PCDHA9: variants seen among roughly 807,000 people sequenced by gnomAD.
PCDHA9 encodes protocadherin alpha-9.
In PCDHA9, 62 loss-of-function variants were observed where a neutral mutation model predicts 62.0. The observed-to-expected ratio is 1.00, with a 90% confidence interval of 0.81 to 1.23. The LOEUF (loss-of-function observed/expected upper bound fraction) is 1.23, where lower values mean the gene tolerates loss of function less well. Ranked by LOEUF, PCDHA9 falls within the 50% of genes most tolerant of loss-of-function variation. The pLI is 0.00. For missense variants in PCDHA9, 1,205 were observed against 1,249.8 expected (o/e 0.96, Z 0.54); for synonymous variants, 557 against 567.6 (o/e 0.98, Z 0.27).
At chr5:140,865,724 G>T (rs1334768794) in intron 1 of PCDHA9, 1 of 152,164 alleles carries the variant, frequency 6.6e-6, no homozygotes, top group African/African-American at 2.4e-5. Flanking sequence ...GAGAAGCTGA[G>T]ATGTGTATCT....
In PCDHA9 at chr5:140,967,564, A is replaced by G. The variant is rs1554229677; in HGVS notation, c.2395-11385A>G. Reference sequence around the variant, plus strand: ...ACCAGTCCACTTATCGCGTCCAGCTACGGGAGGACTCACCCCCAGGCACAT... The same window carrying G: ...ACCAGTCCACTTATCGCGTCCAGCTGCGGGAGGACTCACCCCCAGGCACAT... On this transcript the variant is annotated intron_variant, in intron 1 of 3. Coordinates refer to ENST00000532602, the MANE Select transcript of PCDHA9 (RefSeq NM_031857.2). 10 of 1,614,070 alleles carry G rather than the reference A, an allele frequency of 6.2e-6. No individual in the cohort carries two copies. The Middle Eastern group carries it at 4.9e-4, about 80-fold the overall frequency.
chr5:140,858,188 C>T, intron 1 of PCDHA9: 1 of 1,597,268 alleles, frequency 6.3e-7, no homozygotes, highest in Non-Finnish European at 8.6e-7. Context: ...GCTCACGCTG[C>T]TGCTGTACAC....
intron 1 of PCDHA9, chr5:140,867,873 G>A (rs1554161583): frequency 6.6e-6 from 1 of 152,056 alleles, no homozygotes; most frequent in East Asian, 1.9e-4. Flanking sequence ...AATTTTCTAT[G>A]TTTTAAGCAC....
intron 1 of PCDHA9, chr5:140,883,678 G>A (rs555791080): frequency 3.7e-6 from 6 of 1,613,902 alleles, no homozygotes; most frequent in South Asian, 3.3e-5. Flanking sequence ...ACAATCCGCC[G>A]GGCTGCCACA....
chr5:140,876,312 G>C (rs557901977), intron 1 of PCDHA9: 1 of 1,614,036 alleles, frequency 6.2e-7, no homozygotes. Context: ...TTTCCTATGG[G>C]ATCAAAATGA....
At chr5:140,917,690 G>C (rs2078307385) in intron 1 of PCDHA9, among the ~76,000 whole-genome samples, 1 of 152,108 alleles carries the variant, frequency 6.6e-6, no homozygotes, top group African/African-American at 2.4e-5. Context: ...TTTTGTTGAA[G>C]ATCAGATAAT....
intron 1 of PCDHA9, among the ~76,000 whole-genome samples, chr5:140,890,189 G>C (rs1262049301): frequency 1.3e-5 from 2 of 152,102 alleles, no homozygotes; most frequent in Non-Finnish European, 2.9e-5. Context: ...CTACAAAACA[G>C]AGTTTTTTGT....
intron 3 of PCDHA9, among the ~76,000 whole-genome samples, 189 bp from the exon 4 acceptor site, chr5:141,009,438 T>C (rs1024999058): frequency 6.6e-6 from 1 of 152,190 alleles, no homozygotes; most frequent in African/African-American, 2.4e-5. Context: ...AGGGAAATCC[T>C]GTCTCAAAAA....
chr5:140,991,253 C>T (rs912017745), intron 3 of PCDHA9, among the ~76,000 whole-genome samples: 1 of 152,178 alleles, frequency 6.6e-6, no homozygotes, highest in East Asian at 1.9e-4. Context: ...AGTATTTGAA[C>T]TCATGTCTGC....
Position 140,871,296 on chromosome 5 carries a change from C to A in PCDHA9, c.2394+20407C>A. ...CGGCAACGCCCACTGAGGGCGCGTG[C>A]GCGCCGGGGAAGCCCACGCTGGTGT... On this transcript the variant is annotated intron_variant, in intron 1 of 3. Coordinates refer to ENST00000532602, the MANE Select transcript of PCDHA9 (RefSeq NM_031857.2). 7 of 1,613,892 alleles carry A rather than the reference C, an allele frequency of 4.3e-6. No homozygotes were observed. The South Asian group carries it at 4.4e-5, about 10-fold the overall frequency.
At chr5:140,853,308 C>T in intron 1 of PCDHA9, 1 of 983,184 alleles carries the variant, frequency 1.0e-6, no homozygotes, top group Non-Finnish European at 1.2e-6. Context: ...CTGTGAACAC[C>T]TTAGTAATAA....
At chr5:140,906,924 T>G (rs1244538728) in intron 1 of PCDHA9, among the ~76,000 whole-genome samples, 1 of 152,226 alleles carries the variant, frequency 6.6e-6, no homozygotes, top group African/African-American at 2.4e-5. Flanking sequence ...GCCCAAAAAG[T>G]GTCCCGGTGT....
chr5:140,891,589 C>T (rs1459113596), intron 1 of PCDHA9, among the ~76,000 whole-genome samples: 1 of 152,166 alleles, frequency 6.6e-6, no homozygotes, highest in East Asian at 1.9e-4. Context: ...TCTTATTACT[C>T]TATCCCATCT....
intron 1 of PCDHA9, among the ~76,000 whole-genome samples, chr5:140,890,477 C>G (rs1255992157): frequency 6.6e-6 from 1 of 151,926 alleles, no homozygotes; most frequent in African/African-American, 2.4e-5. Context: ...ATTTTTTGTG[C>G]GTTATTTTTG....
chr5:140,971,067 G>A (rs1270982335), intron 1 of PCDHA9, among the ~76,000 whole-genome samples: 1 of 152,204 alleles, frequency 6.6e-6, no homozygotes, highest in Non-Finnish European at 1.5e-5. Flanking sequence ...TAAGGTTGCT[G>A]TAGACATTTG....
intron 3 of PCDHA9, 34 bp from the exon 4 acceptor site, chr5:141,009,593 C>T (rs1219056557): frequency 6.2e-7 from 1 of 1,601,902 alleles, no homozygotes; most frequent in Non-Finnish European, 8.5e-7. Context: ...CATGTGTTGA[C>T]CCTGTTAATG....
intron 1 of PCDHA9, chr5:140,966,931 C>T: frequency 6.2e-7 from 1 of 1,603,674 alleles, no homozygotes; most frequent in Non-Finnish European, 8.5e-7. Flanking sequence ...AGGCACCCGG[C>T]GCGCTCGTGG....
chr5:140,875,792 A>G, intron 1 of PCDHA9: 1 of 1,614,116 alleles, frequency 6.2e-7, no homozygotes, highest in East Asian at 2.2e-5. Context: ...ATCCACCTGG[A>G]GGTGATCGTG....
intron 1 of PCDHA9, among the ~76,000 whole-genome samples, chr5:140,972,168 G>T (rs969968770): frequency 2.6e-5 from 4 of 152,064 alleles, no homozygotes; most frequent in African/African-American, 9.7e-5. Context: ...TTGAGACAGA[G>T]TCTTGGCCTG....
Sources: allele counts gnomAD v4.1 joint callset (sites outside exome capture counted in the v4.1 genomes callset), GRCh38; gene constraint gnomAD v4.1.1; transcripts MANE v1.5; gene names NCBI Gene and HGNC (gene_info 2026-07-23, HGNC 2026-07-21).